The following USP9X variants were observed in gnomAD, a reference collection of about 807,000 sequenced individuals.
USP9X encodes the protein ubiquitin specific peptidase 9 X-linked, also known as ubiquitin carboxyl-terminal hydrolase 9X.
A neutral mutation model predicts 190.3 loss-of-function variants in USP9X; 7 were observed. The observed-to-expected ratio is 0.04, with a 90% CI of 0.02 to 0.07. The LOEUF (loss-of-function observed/expected upper bound fraction) is 0.07. Ranked by LOEUF, USP9X falls within the 10% of genes least tolerant of loss-of-function variation. The pLI is 1.00. For missense variants in USP9X, 1,010 were observed against 1,916.9 expected (o/e 0.53, Z 8.83); for synonymous variants, 645 against 659.5 (o/e 0.98, Z 0.34).
chrX:41,190,931 T>A (rs978514996), intron 26 of USP9X, among the ~76,000 whole-genome samples: 1 of 111,931 alleles, frequency 8.9e-6, no homozygotes, highest in Non-Finnish European at 1.9e-5. Flanking sequence ...TTTTTATAAA[T>A]ATCTGAATAC....
intron 15 of USP9X, 34 bp from the exon 16 acceptor site, chrX:41,165,838 A>G: frequency 8.6e-7 from 1 of 1,164,517 alleles, no homozygotes; most frequent in Non-Finnish European, 1.2e-6. Flanking sequence ...AAAATTACAT[A>G]AATCTAATTG....
At chrX:41,193,961 T>C (rs1602020045) in intron 26 of USP9X, among the ~76,000 whole-genome samples, 1 of 112,304 alleles carries the variant, frequency 8.9e-6, no homozygotes, top group African/African-American at 3.2e-5. Context: ...CAACTTTTTA[T>C]TGCCCCTCAT....
chrX:41,181,283 T>TTC (rs1174231090), intron 21 of USP9X, among the ~76,000 whole-genome samples: 1 of 102,378 alleles, frequency 9.8e-6, no homozygotes, highest in Admixed American at 1.1e-4. Flanking sequence ...TTTTTTTTTT[T>TTC]TTTTTTTTTT....
Position 41,229,279 on chromosome X carries a change from C to T in USP9X, c.7088C>T (p.Pro2363Leu). 8.4e-7 allele frequency: 1 copy of T among 1,187,573 alleles called. No individual in the cohort carries two copies. The highest frequency in any genetic ancestry group is 1.1e-6 in the Non-Finnish European group (1 of 886,386). The change falls in exon 42 of 45, where the codon CCA (proline) becomes CTA (leucine). Residue 2363 changes from proline (P) to leucine (L), a missense_variant. Coordinates refer to ENST00000378308, the MANE Select transcript of USP9X (RefSeq NM_001039591.3). ...ATTCATAATGCACTGAAAGGAATTC[C>T]AGATGACCGAGATGGGCTGTTTGAC... ...HRIHNALKGI[P>L]DDRDGLFDTI...
intron 14 of USP9X, 55 bp from the exon 15 acceptor site, chrX:41,162,735 A>G: frequency 2.0e-6 from 2 of 980,662 alleles, no homozygotes; most frequent in Non-Finnish European, 2.8e-6. Context: ...TTGAAGTCAA[A>G]GCAGTGATTT....
At chrX:41,203,227 T>C (rs1274803199) in intron 31 of USP9X, among the ~76,000 whole-genome samples, 1 of 112,147 alleles carries the variant, frequency 8.9e-6, no homozygotes. Context: ...CATCTGTTTT[T>C]AAATGTGCAG....
intron 1 of USP9X, among the ~76,000 whole-genome samples, chrX:41,120,399 A>G (rs764322542): frequency 1.8e-5 from 2 of 112,294 alleles, no homozygotes; most frequent in South Asian, 7.3e-4. Context: ...GTCTTATTTC[A>G]TGTATTTATT....
chrX:41,183,886 G>A (rs1161794401), intron 21 of USP9X, 112 bp from the exon 22 acceptor site: 11 of 936,286 alleles, frequency 1.2e-5, no homozygotes, highest in Non-Finnish European at 1.5e-5. Context: ...TGAGCCTATA[G>A]CCCAACTGAG....
chrX:41,224,342 A>T (rs1448425960), intron 39 of USP9X, among the ~76,000 whole-genome samples: 2 of 111,447 alleles, frequency 1.8e-5, no homozygotes, highest in African/African-American at 6.5e-5. Flanking sequence ...TTTCTCTAAA[A>T]TAAAACATTT....
rs2062316924 is a variant in USP9X, at chrX:41,131,490, G to A, written c.276G>A (p.Gly92=). Residue 92 remains glycine (G), a synonymous_variant, in exon 4 of 45, where the codon GGG becomes GGA. Transcript: ENST00000378308. ...GGGTGGTTCCAGTTTTGCCGAAAGG[G>A]GAATTAGAAGTGCTTTTAGAAGCTG... is the stretch of plus-strand genomic sequence containing the variant. The part of the protein sequence containing the change: ...PRWVVPVLPK[G]ELEVLLEAAI... The A allele has an allele frequency of 1.7e-6, 2 of 1,208,784 alleles. No homozygotes were observed. The highest frequency in any genetic ancestry group is 2.2e-6 in the Non-Finnish European group (2 of 894,042).
intron 1 of USP9X, among the ~76,000 whole-genome samples, chrX:41,102,420 C>G (rs891913851): frequency 1.8e-5 from 2 of 110,372 alleles, no homozygotes; most frequent in Non-Finnish European, 3.8e-5. Flanking sequence ...GAGTTCAAGA[C>G]CAGCCTGGCC....
intron 24 of USP9X, among the ~76,000 whole-genome samples, chrX:41,186,909 C>G (rs750249305): frequency 1.8e-5 from 2 of 109,694 alleles, no homozygotes; most frequent in East Asian, 5.7e-4. Context: ...TCACTGCAAC[C>G]TCCACCTCCC....
intron 41 of USP9X, among the ~76,000 whole-genome samples, chrX:41,228,582 G>A (rs1156581645): frequency 9.1e-6 from 1 of 109,816 alleles, no homozygotes; most frequent in East Asian, 2.8e-4. Flanking sequence ...AGGTATTGAT[G>A]TGTAGCAAAT....
intron 14 of USP9X, among the ~76,000 whole-genome samples, chrX:41,161,334 T>C (rs1232117522): frequency 6.4e-5 from 5 of 78,396 alleles, no homozygotes; most frequent in African/African-American, 2.7e-4. Flanking sequence ...CTTGCCTTTT[T>C]TTTTTTTTTT....
chrX:41,174,561 C>T (rs2062756896), intron 21 of USP9X, among the ~76,000 whole-genome samples: 2 of 111,950 alleles, frequency 1.8e-5, no homozygotes, highest in African/African-American at 6.5e-5. Context: ...GGCAGAAATA[C>T]CACAGAAGCG....
chrX:41,108,829 A>G (rs2062087906), intron 1 of USP9X, among the ~76,000 whole-genome samples: 1 of 111,169 alleles, frequency 9.0e-6, no homozygotes, highest in South Asian at 3.8e-4. Context: ...GGTGGGGGCC[A>G]TTAGGACCAC....
chrX:41,201,404 G>A, intron 31 of USP9X, 124 bp downstream of exon 31: 2 of 671,360 alleles, frequency 3.0e-6, no homozygotes, highest in Non-Finnish European at 4.4e-6. Flanking sequence ...TTAGGGATGG[G>A]CCGAGCACAC....
At chrX:41,211,818 G>A (rs1480544278) in intron 33 of USP9X, among the ~76,000 whole-genome samples, 3 of 96,088 alleles carry the variant, frequency 3.1e-5, no homozygotes, top group Non-Finnish European at 4.3e-5. Context: ...CCGGACAGCC[G>A]CCCCGTCCGG....
intron 1 of USP9X, among the ~76,000 whole-genome samples, chrX:41,087,596 C>G (rs1393231659): frequency 8.9e-6 from 1 of 112,473 alleles, no homozygotes. Flanking sequence ...AACTTTAACC[C>G]TTTAAACTTT....
Sources: allele counts gnomAD v4.1 joint callset (sites outside exome capture counted in the v4.1 genomes callset), GRCh38; gene constraint gnomAD v4.1.1; transcripts MANE v1.5; gene names NCBI Gene and HGNC (gene_info 2026-07-23, HGNC 2026-07-21).